Variants in LAMA1 observed in about 807,000 individuals in gnomAD.
LAMA1 encodes the protein laminin subunit alpha-1.
In LAMA1, 219 loss-of-function variants were observed where a neutral mutation model predicts 348.7. The observed-to-expected ratio is 0.63, with a 90% CI of 0.56 to 0.70. The LOEUF (loss-of-function observed/expected upper bound fraction) is 0.70. LAMA1 is among the 30% of genes least tolerant of loss of function. The pLI, the probability that LAMA1 is intolerant of heterozygous loss-of-function variation, is 0.00. For missense variants in LAMA1, 3,744 were observed against 3,888.0 expected (o/e 0.96, Z 0.99); for synonymous variants, 1,487 against 1,491.0 (o/e 1.00, Z 0.06).
chr18:7,034,241 T>C (rs2057984054), intron 14 of LAMA1, among the ~76,000 whole-genome samples: 2 of 152,156 alleles, frequency 1.3e-5, no homozygotes, highest in Admixed American at 1.3e-4. Flanking sequence ...CCTTTGAAAG[T>C]TTCTCATCCT....
intron 48 of LAMA1, among the ~76,000 whole-genome samples, chr18:6,970,282 C>CAA (rs5822935): frequency 2.7e-5 from 4 of 150,842 alleles, no homozygotes; most frequent in African/African-American, 7.3e-5. Flanking sequence ...CGTTTATTGT[C>CAA]AAAAAAAAAT....
At chr18:7,082,121 A>G (rs2058195540) in intron 1 of LAMA1, among the ~76,000 whole-genome samples, 1 of 152,176 alleles carries the variant, frequency 6.6e-6, no homozygotes, top group African/African-American at 2.4e-5. Flanking sequence ...TAGTCTTTCA[A>G]AAACTTTTTA....
chr18:6,954,961 G>A (rs62081481), intron 57 of LAMA1: 4,902 of 328,254 alleles, frequency 0.015, 68 homozygotes, highest in Admixed American at 0.021. Context: ...TGTGGCACTC[G>A]GGATTTTGGC....
At chr18:6,989,219 T>C (rs1460954408) in intron 36 of LAMA1, among the ~76,000 whole-genome samples, 1 of 152,188 alleles carries the variant, frequency 6.6e-6, no homozygotes, top group Non-Finnish European at 1.5e-5. Context: ...GAGTGCTCTC[T>C]GGGATCCCAC....
chr18:7,040,663 C>G (rs1037764798), intron 9 of LAMA1, among the ~76,000 whole-genome samples: 1 of 152,062 alleles, frequency 6.6e-6, no homozygotes, highest in Admixed American at 6.6e-5. Flanking sequence ...AAGTAAACAC[C>G]CAATAAAATA....
chr18:6,999,307 T>A, intron 32 of LAMA1, 138 bp downstream of exon 32: 1 of 881,880 alleles, frequency 1.1e-6, no homozygotes, highest in Admixed American at 2.1e-5. Flanking sequence ...AACAGTGATC[T>A]ATGCTTAGAA....
chr18:7,080,478 A>T, intron 1 of LAMA1, 21 bp from the exon 2 acceptor site: 1 of 1,613,084 alleles, frequency 6.2e-7, no homozygotes, highest in Non-Finnish European at 8.5e-7. Context: ...AAATTTACCA[A>T]ATCAGCTGAG....
intron 1 of LAMA1, among the ~76,000 whole-genome samples, chr18:7,089,861 A>AG (rs1166476457): frequency 1.3e-5 from 2 of 152,194 alleles, no homozygotes; most frequent in African/African-American, 2.4e-5. Flanking sequence ...CAACAGGTTC[A>AG]GGGGGGCTGT....
chr18:6,994,483 T>C (rs2057771906), intron 34 of LAMA1, among the ~76,000 whole-genome samples: 1 of 152,196 alleles, frequency 6.6e-6, no homozygotes, highest in Admixed American at 6.5e-5. Flanking sequence ...TTAATCAGCC[T>C]ATTTCCAACC....
intron 5 of LAMA1, 93 bp downstream of exon 5, chr18:7,048,985 G>A (rs2058052348): frequency 1.2e-5 from 15 of 1,280,384 alleles, no homozygotes; most frequent in Non-Finnish European, 1.4e-5. Flanking sequence ...GTCGGGGAAA[G>A]AACAACCAAA....
chr18:7,074,037 G>A (rs1050646966), intron 3 of LAMA1, among the ~76,000 whole-genome samples: 2 of 151,536 alleles, frequency 1.3e-5, no homozygotes, highest in Non-Finnish European at 2.9e-5. Flanking sequence ...GTTTCACCAT[G>A]TTGGCCGAGA....
chr18:7,107,397 C>T (rs929283262), intron 1 of LAMA1, among the ~76,000 whole-genome samples: 1 of 152,008 alleles, frequency 6.6e-6, no homozygotes, highest in Non-Finnish European at 1.5e-5. Context: ...AGATTACAGG[C>T]GTGAGCCACC....
chr18:6,950,676 A>G, intron 58 of LAMA1, 106 bp downstream of exon 58: 2 of 1,277,318 alleles, frequency 1.6e-6, no homozygotes, highest in South Asian at 1.2e-5. Context: ...ACACACGGCG[A>G]GATAGAGATT....
Position 6,959,419 on chromosome 18 carries a change from C to T in LAMA1, c.7700G>A (p.Arg2567Lys). 6.2e-7 allele frequency: 1 copy of T among 1,614,200 alleles called. No individual in the cohort carries two copies. Among genetic ancestry groups the T allele is most frequent in the Non-Finnish European group, 8.5e-7 (1 of 1,180,046 alleles). The change falls in exon 54 of 63, where the codon AGA becomes AAA. Residue 2567 changes from arginine to lysine, a missense_variant. By Grantham distance (26) the Arg-to-Lys change is conservative (BLOSUM62 2). Around this residue, in one of 3 missense-constraint regions of LAMA1, gnomAD observed 1,983 missense variants for 1,934.3 expected, o/e 1.03. Coordinates refer to ENST00000389658, the MANE Select transcript of LAMA1 (RefSeq NM_005559.4). ...HVNPGDGTGL[R>K]KALLHAPTGT... The stretch of plus-strand genomic sequence containing the variant: ...CGTGGGAGCGTGCAGGAGAGCTTTT[C>T]TCAGGCCTGTCCCATCCCCAGGATT...
At chr18:6,945,079 G>A (rs1053324940) in intron 61 of LAMA1, among the ~76,000 whole-genome samples, 1 of 151,960 alleles carries the variant, frequency 6.6e-6, no homozygotes, top group African/African-American at 2.4e-5. Context: ...TTCAAAAATA[G>A]AGATGGGGTG....
At chr18:7,012,840 C>T (rs2057867620) in intron 23 of LAMA1, among the ~76,000 whole-genome samples, 1 of 151,174 alleles carries the variant, frequency 6.6e-6, no homozygotes, top group Admixed American at 6.6e-5. Flanking sequence ...CTGCTCTACT[C>T]GTCTATCATC....
chr18:7,014,910 G>A (rs1350657444), intron 22 of LAMA1, among the ~76,000 whole-genome samples: 1 of 152,022 alleles, frequency 6.6e-6, no homozygotes, highest in Non-Finnish European at 1.5e-5. Flanking sequence ...GCAGTGGCCC[G>A]ATATCGGCTC....
rs1568016699 is a variant in LAMA1, at chr18:6,980,535, C to A, written c.5993G>T (p.Arg1998Ile). 6.2e-7 allele frequency: 1 copy of A among 1,600,664 alleles called. No homozygotes were observed. The highest frequency in any genetic ancestry group is 8.6e-7 in the Non-Finnish European group (1 of 1,167,882). Reference protein sequence around the residue: ...RQTNESLLILRAIPKGIRDKG... With the variant: ...RQTNESLLILIAIPKGIRDKG... ...TTTCCACTTACCTTTAGGAATTGCT[C>A]TAAGTATCAAGAGTGATTCATTGGT... Residue 1998 changes from arginine to isoleucine, a missense_variant, in exon 42 of 63, where the codon AGA (arginine) becomes ATA (isoleucine). Transcript: ENST00000389658.
intron 54 of LAMA1, 66 bp from the exon 55 acceptor site, chr18:6,958,728 G>T: frequency 7.4e-7 from 1 of 1,358,346 alleles, no homozygotes; most frequent in Non-Finnish European, 1.0e-6. Flanking sequence ...TTCCATTTTA[G>T]TCCATAATTC....
Sources: gnomAD v4.1 joint callset for allele counts (sites outside exome capture counted in the v4.1 genomes callset) on GRCh38, gnomAD v4.1.1 for gene constraint, gnomAD v4.1.1 regional missense constraint, MANE v1.5 for transcripts, NCBI Gene and HGNC (gene_info 2026-07-23, HGNC 2026-07-21) for gene names.